The following FGD4 variants were observed in gnomAD, a reference collection of about 807,000 sequenced individuals.
FGD4 encodes FYVE, RhoGEF and PH domain-containing protein 4.
FGD4 carries 42 observed loss-of-function variants against 102.0 expected under a neutral mutation model. The observed-to-expected ratio is 0.41, with a 90% CI of 0.32 to 0.53. The LOEUF (loss-of-function observed/expected upper bound fraction) is 0.53, where lower values mean the gene tolerates loss of function less well. Among genes scored for constraint, FGD4 ranks in the 20% least tolerant of loss-of-function variants. FGD4 has a pLI of 0.21. For missense variants in FGD4, 902 were observed against 1,078.2 expected, an observed-to-expected ratio of 0.84 and a Z score of 2.29; for synonymous variants, 380 against 375.7, an observed-to-expected ratio of 1.01 and a Z score of -0.13.
rs1336032922 is a variant in FGD4 at position 32,611,173 on chromosome 12, T to C, written c.1639T>C (p.Leu547=). 1 of 1,614,146 alleles carries C rather than the reference T, an allele frequency of 6.2e-7. No individual in the cohort carries two copies. The highest frequency in any genetic ancestry group is 1.7e-5 in the Admixed American group (1 of 60,022). Residue 547 remains leucine, a synonymous_variant, in exon 10 of 17, where the codon TTG becomes CTG. Coordinates refer to ENST00000534526, the MANE Select transcript of FGD4 (RefSeq NM_001370298.3). ...GAAACTCTTAGAGATTTATGAAATGTTGGGAGAAGAAGAAGACATTGTAAA... is the reference window on the plus strand; with the variant it reads ...GAAACTCTTAGAGATTTATGAAATGCTGGGAGAAGAAGAAGACATTGTAAA... ...LKKLLEIYEM[L]GEEEDIVNPS...
chr12:32,529,123 CA>C (rs894544821), intron 1 of FGD4, among the ~76,000 whole-genome samples: 3 of 151,972 alleles, frequency 2.0e-5, no homozygotes, highest in African/African-American at 7.2e-5. Flanking sequence ...AATTATGCAT[CA>C]TTTTTTTTTG....
chr12:32,482,452 G>A (rs546445730), intron 1 of FGD4, among the ~76,000 whole-genome samples: 1 of 152,286 alleles, frequency 6.6e-6, no homozygotes, highest in Admixed American at 6.5e-5. Context: ...TCTATTTCTG[G>A]CTCGAAGTGA....
intron 7 of FGD4, among the ~76,000 whole-genome samples, chr12:32,607,715 A>G (rs1467399253): frequency 3.3e-5 from 5 of 152,118 alleles, no homozygotes; most frequent in Admixed American, 6.6e-5. Flanking sequence ...GGGTTTTGCC[A>G]TGTTGGCCGG....
intron 1 of FGD4, among the ~76,000 whole-genome samples, chr12:32,563,437 T>C (rs1191489297): frequency 2.7e-5 from 4 of 146,892 alleles, no homozygotes; most frequent in African/African-American, 1.0e-4. Context: ...AGTTCCTAGA[T>C]GGGATGGCGG....
intron 1 of FGD4, among the ~76,000 whole-genome samples, chr12:32,560,016 C>T (rs1400101191): frequency 6.6e-6 from 1 of 152,158 alleles, no homozygotes; most frequent in South Asian, 2.1e-4. Context: ...GGGGCCTGTA[C>T]AGCCATCCTT....
chr12:32,606,105 A>T (rs985090263), intron 7 of FGD4, among the ~76,000 whole-genome samples: 2 of 152,228 alleles, frequency 1.3e-5, no homozygotes, highest in Admixed American at 1.3e-4. Context: ...TTCTTCATGT[A>T]AAATATTTGG....
chr12:32,635,387 T>C (rs527490001), intron 15 of FGD4, among the ~76,000 whole-genome samples: 1 of 152,292 alleles, frequency 6.6e-6, no homozygotes, highest in East Asian at 1.9e-4. Context: ...TAGAGAACCT[T>C]ATACTGAGGA....
chr12:32,503,648 G>C (rs891597092), intron 1 of FGD4, among the ~76,000 whole-genome samples: 9 of 152,110 alleles, frequency 5.9e-5, no homozygotes, highest in African/African-American at 2.2e-4. Flanking sequence ...AATTAGTTTA[G>C]CTACATACTA....
At chr12:32,541,015 A>AT (rs1472904175) in intron 1 of FGD4, among the ~76,000 whole-genome samples, 3 of 152,174 alleles carry the variant, frequency 2.0e-5, no homozygotes, top group Admixed American at 2.0e-4. Context: ...TAGGAGAAAA[A>AT]TTGTATTAGA....
At chr12:32,577,243 A>G (rs1184021580) in intron 3 of FGD4, among the ~76,000 whole-genome samples, 1 of 151,614 alleles carries the variant, frequency 6.6e-6, no homozygotes, top group African/African-American at 2.4e-5. Flanking sequence ...AAGCAATTTT[A>G]TCAGTAGAAT....
intron 1 of FGD4, among the ~76,000 whole-genome samples, chr12:32,408,441 A>G (rs924730923): frequency 6.6e-5 from 10 of 152,118 alleles, no homozygotes; most frequent in African/African-American, 2.2e-4. Context: ...TGCTGGGTTG[A>G]CAGGTGTGAG....
Position 32,646,003 on chromosome 12 carries a change from TA to T in FGD4, c.*5473del, listed in dbSNP as rs1481544867. The stretch of plus-strand genomic sequence containing the variant: ...TAAAATTAAGCACTTTAATTCCTAT[TA>T]AATATTAAACATTTGTATCTTGTAA... On this transcript the variant is annotated 3_prime_UTR_variant, in exon 17 of 17. Coordinates refer to ENST00000534526, the MANE Select transcript of FGD4 (RefSeq NM_001370298.3). 6.6e-6 allele frequency: 1 copy of T among 152,134 alleles called. No homozygotes were observed. The highest frequency in any genetic ancestry group is 2.4e-5 in the African/African-American group (1 of 41,428). 9.4% of individuals were successfully genotyped at this position (152,134 alleles called of 1,614,324 possible). A position where few individuals can be genotyped will look rare whatever the true frequency, so the allele number is the denominator to read the frequency against.
At chr12:32,449,968 C>A (rs182239447) in intron 1 of FGD4, among the ~76,000 whole-genome samples, 1 of 151,562 alleles carries the variant, frequency 6.6e-6, no homozygotes, top group Non-Finnish European at 1.5e-5. Context: ...AGTCTTGCTC[C>A]GTCACCCAGG....
intron 1 of FGD4, among the ~76,000 whole-genome samples, chr12:32,477,154 G>T (rs1458634563): frequency 1.3e-5 from 2 of 152,144 alleles, no homozygotes; most frequent in African/African-American, 4.8e-5. Context: ...CGGGCGTGGT[G>T]GTGGGTGCCT....
chr12:32,624,415 AT>A lies in FGD4; in HGVS notation c.1923-3del. ...TTTACATTCACTTTAATTTTGTTTT[AT>A]TTTAGTTCTGCGCAAGACAAAGAAG... is the stretch of plus-strand genomic sequence containing the variant. On this transcript the variant is annotated splice_region_variant and splice_polypyrimidine_tract_variant and intron_variant, in intron 11 of 16. Coordinates refer to ENST00000534526, the MANE Select transcript of FGD4 (RefSeq NM_001370298.3). The A allele has an allele frequency of 6.3e-7, 1 of 1,590,614 alleles. No homozygotes were observed. Among genetic ancestry groups the A allele is most frequent in the Admixed American group, 1.7e-5 (1 of 59,706 alleles).
At chr12:32,551,507 G>A (rs1329067804) in intron 1 of FGD4, among the ~76,000 whole-genome samples, 1 of 152,242 alleles carries the variant, frequency 6.6e-6, no homozygotes, top group Admixed American at 6.5e-5. Context: ...CATTCACCCA[G>A]CTGATCATCA....
chr12:32,534,590 A>G (rs1942082403), intron 1 of FGD4: 6 of 759,534 alleles, frequency 7.9e-6, no homozygotes, highest in Non-Finnish European at 9.5e-6. Flanking sequence ...TAAAAGTGGC[A>G]GAGTTTGGTT....
intron 1 of FGD4, among the ~76,000 whole-genome samples, chr12:32,525,534 C>T (rs907796012): frequency 6.6e-6 from 1 of 152,280 alleles, no homozygotes; most frequent in African/African-American, 2.4e-5. Flanking sequence ...CCCTCGCTTG[C>T]TCTCAGCACC....
At chr12:32,636,839 A>G (rs973836848) in intron 15 of FGD4, among the ~76,000 whole-genome samples, 11 of 151,768 alleles carry the variant, frequency 7.2e-5, no homozygotes, top group Non-Finnish European at 1.3e-4. Context: ...CCATTTAGTT[A>G]AATGGTTTTG....
Sources: gnomAD v4.1 joint callset for allele counts (sites outside exome capture counted in the v4.1 genomes callset) on GRCh38, gnomAD v4.1.1 for gene constraint, MANE v1.5 for transcripts, NCBI Gene and HGNC (gene_info 2026-07-23, HGNC 2026-07-21) for gene names.